TBX4: variants seen among roughly 807,000 people sequenced by gnomAD.
The protein encoded by TBX4 is T-box transcription factor 4, also known as T-box transcription factor TBX4.
Under a neutral mutation model 54.6 loss-of-function variants are expected in TBX4, and 13 were observed. The observed-to-expected ratio is 0.24, with a 90% CI of 0.15 to 0.38. TBX4 has a LOEUF of 0.38. Ranked by LOEUF, TBX4 falls within the 10% of genes least tolerant of loss-of-function variation. TBX4 has a pLI of 1.00. For synonymous variants in TBX4, 314 were observed against 306.7 expected (o/e 1.02, Z -0.25); for missense variants, 631 against 728.5 (o/e 0.87, Z 1.54).
intron 2 of TBX4, 109 bp downstream of exon 2, chr17:61,456,785 C>A: frequency 1.2e-6 from 1 of 869,166 alleles, no homozygotes; most frequent in Non-Finnish European, 1.5e-6. Flanking sequence ...TCAGGAGGAC[C>A]TGGCTGCATT....
rs2060477559 is a variant in TBX4 at position 61,459,295 on chromosome 17, C to T, written c.281+1664C>T. On this transcript the variant is annotated intron_variant, in intron 3 of 8. Coordinates refer to ENST00000644296, the MANE Select transcript of TBX4 (RefSeq NM_001321120.2). The surrounding 1 kb of genome is among the most constrained non-coding windows in gnomAD (Gnocchi z 4.8). ...GTGACCGTAGACCTATCTGCTGTCC[C>T]TTCCTTTTCTATCACTGTGAAACTC... Among the ~76,000 whole-genome samples, 1 of 152,184 alleles carries T rather than the reference C, an allele frequency of 6.6e-6. No individual in the cohort carries two copies. Among genetic ancestry groups the T allele is most frequent in the Non-Finnish European group, 1.5e-5 (1 of 68,036 alleles).
rs770301040 is a variant in TBX4, at chr17:61,457,676, AG to A, written c.281+51del. ...CTTCCGGGGATGGCGGTGGGGAGCA[AG>A]GGGGGCCAGGGAGGTCCCTTAGAAG... On this transcript the variant is annotated intron_variant, in intron 3 of 8. Coordinates refer to ENST00000644296, the MANE Select transcript of TBX4 (RefSeq NM_001321120.2). This position sits in a 1 kb window ranked among gnomAD's most constrained non-coding sequence, Gnocchi z 8.2. The A allele has an allele frequency of 3.2e-6, 5 of 1,581,414 alleles. No homozygotes were observed. Among genetic ancestry groups the A allele is most frequent in the Non-Finnish European group, 8.7e-7 (1 of 1,152,910 alleles).
intron 5 of TBX4, among the ~76,000 whole-genome samples, chr17:61,473,823 C>A (rs1030867919): frequency 7.9e-5 from 12 of 152,216 alleles, no homozygotes; most frequent in African/African-American, 1.2e-4. Flanking sequence ...TGGCTTAGCA[C>A]AGGGCCTGGC....
rs1440374568 is a variant in TBX4 at position 61,476,740 on chromosome 17, T to C, written c.550-1887T>C. On this transcript the variant is annotated intron_variant, in intron 5 of 8. Coordinates refer to ENST00000644296, the MANE Select transcript of TBX4 (RefSeq NM_001321120.2). This position sits in a 1 kb window ranked among gnomAD's most constrained non-coding sequence, Gnocchi z 6.5. ...CTTGCCTCGTGAAGGTCTGGAGGTT[T>C]GTCACTGAGGGCTGAGGCGGGAGTG... Among the ~76,000 whole-genome samples the C allele has an allele frequency of 6.6e-6, 1 of 152,196 alleles. No homozygotes were observed. The highest frequency in any genetic ancestry group is 6.5e-5 in the Admixed American group (1 of 15,290).
chr17:61,462,846 A>C lies in TBX4; in HGVS notation c.282-2973A>C, dbSNP rs1181803969. The stretch of plus-strand genomic sequence containing the variant: ...TTCAAACCTTTCATGAGAGAGGCAG[A>C]GCTCACAGGAAGTCACAGCTCCCAA... On this transcript the variant is annotated intron_variant, in intron 3 of 8. Coordinates refer to ENST00000644296, the MANE Select transcript of TBX4 (RefSeq NM_001321120.2). The surrounding 1 kb of genome is among the most constrained non-coding windows in gnomAD (Gnocchi z 4.5). 1.3e-5 allele frequency: 2 copies of C among 152,264 alleles called. No homozygotes were observed. The highest frequency in any genetic ancestry group is 4.8e-5 in the African/African-American group (2 of 41,470). The allele number at this position is 152,264 out of a possible 1,614,324, so 9.4% of individuals were successfully genotyped here.
In TBX4 at chr17:61,462,255, AGAG is replaced by A. The variant is rs1223216163; in HGVS notation, c.282-3560_282-3558del. On this transcript the variant is annotated intron_variant, in intron 3 of 8. Coordinates refer to ENST00000644296, the MANE Select transcript of TBX4 (RefSeq NM_001321120.2). The surrounding 1 kb of genome is among the most constrained non-coding windows in gnomAD (Gnocchi z 4.5). ...CCCTTTCAGAGCCTGTTTCATGATC[AGAG>A]GAGAAGCCCCGGGCTTTCATCTCCT... Among the ~76,000 whole-genome samples the A allele has an allele frequency of 2.0e-5, 3 of 152,192 alleles. No individual in the cohort carries two copies. Among genetic ancestry groups the A allele is most frequent in the African/African-American group, 4.8e-5 (2 of 41,530 alleles).
chr17:61,470,666 C>A (rs941557995), intron 5 of TBX4, among the ~76,000 whole-genome samples: 1 of 152,164 alleles, frequency 6.6e-6, no homozygotes, highest in Non-Finnish European at 1.5e-5. Context: ...TTGGGCCAGG[C>A]GGGAGCAGAA....
At chr17:61,482,751 TG>T in intron 8 of TBX4, 145 bp from the exon 9 acceptor site, 1 of 1,256,802 alleles carries the variant, frequency 8.0e-7, no homozygotes, top group Non-Finnish European at 1.1e-6. Flanking sequence ...AAGCCGTGGC[TG>T]ATTGAAATGG....
chr17:61,466,062 G>C, intron 4 of TBX4, 124 bp downstream of exon 4: 7 of 1,489,498 alleles, frequency 4.7e-6, no homozygotes, highest in Non-Finnish European at 6.5e-6. Flanking sequence ...GCAGGCTGGA[G>C]TCCACTGCCT....
chr17:61,483,613 AGTGTGTGTGTGTGTGTGT>A lies in TBX4; in HGVS notation c.*120_*137del, dbSNP rs149977669. On this transcript the variant is annotated 3_prime_UTR_variant, in exon 9 of 9. Transcript: ENST00000644296. This position sits in a 1 kb window ranked among gnomAD's most constrained non-coding sequence, Gnocchi z 6.6. ...ACCAAGAAACACAGGAAGGTATTCC[AGTGTGTGTGTGTGTGTGT>A]GTGTGTGTGTGTGTGTGTGTGTATA... The A allele has an allele frequency of 5.1e-6, 4 of 782,772 alleles. No individual in the cohort carries two copies. Among genetic ancestry groups the A allele is most frequent in the South Asian group, 1.7e-5 (1 of 57,314 alleles). 48.5% of individuals were successfully genotyped at this position (782,772 alleles called of 1,614,324 possible). A position where few individuals can be genotyped will look rare whatever the true frequency, so the allele number is the denominator to read the frequency against.
Position 61,464,753 on chromosome 17 carries a change from A to G in TBX4, c.282-1066A>G, listed in dbSNP as rs1047183600. Reference sequence around the variant, plus strand: ...GACTAGGGGAGGGAGCTGTGCCCAGAGCGTTTGTGTATGCGCTGTGCTGTT... The same window carrying G: ...GACTAGGGGAGGGAGCTGTGCCCAGGGCGTTTGTGTATGCGCTGTGCTGTT... On this transcript the variant is annotated intron_variant, in intron 3 of 8. Transcript: ENST00000644296. This position sits in a 1 kb window ranked among gnomAD's most constrained non-coding sequence, Gnocchi z 5.8. 6.6e-6 allele frequency among the ~76,000 whole-genome samples: 1 copy of G among 151,940 alleles called. No individual in the cohort carries two copies. The highest frequency in any genetic ancestry group is 1.5e-5 in the Non-Finnish European group (1 of 67,986).
At chr17:61,482,853 G>A (rs368795333) in intron 8 of TBX4, 44 bp from the exon 9 acceptor site, 5 of 1,607,226 alleles carry the variant, frequency 3.1e-6, no homozygotes, top group Non-Finnish European at 4.2e-6. Flanking sequence ...CTGGGGCCTG[G>A]GCTGGTGGAA....
At position 61,481,773 on chromosome 17, in the gene TBX4, T is replaced by TGTC. The variant is rs2060664935; in HGVS notation, c.1022-1123_1022-1121dup. 6.6e-6 allele frequency: 1 copy of TGTC among 152,282 alleles called. No individual in the cohort carries two copies. The highest frequency in any genetic ancestry group is 2.4e-5 in the African/African-American group (1 of 41,420). 9.4% of individuals were successfully genotyped at this position (152,282 alleles called of 1,614,324 possible). ...TGTGTGGGGTTTTTGTTGTTGTTGT[T>TGTC]GTCCTTGTTTTGAGACGGAGTCTCT... On this transcript the variant is annotated intron_variant, in intron 8 of 8. Transcript: ENST00000644296. This position sits in a 1 kb window ranked among gnomAD's most constrained non-coding sequence, Gnocchi z 4.8.
intron 5 of TBX4, 71 bp downstream of exon 5, chr17:61,467,728 G>T: frequency 1.3e-6 from 2 of 1,592,436 alleles, no homozygotes; most frequent in Non-Finnish European, 1.7e-6. Context: ...AGGCCAGGAT[G>T]GGGATAGGGA....
In TBX4 at chr17:61,481,322, C is replaced by A. The variant is rs2060661878; in HGVS notation, c.1021+1003C>A. 6.6e-6 allele frequency: 1 copy of A among 152,222 alleles called. No individual in the cohort carries two copies. The highest frequency in any genetic ancestry group is 2.4e-5 in the African/African-American group (1 of 41,448). The allele number at this position is 152,222 out of a possible 1,614,324, so 9.4% of individuals were successfully genotyped here. A position where few individuals can be genotyped will look rare whatever the true frequency, so the allele number is the denominator to read the frequency against. The stretch of plus-strand genomic sequence containing the variant: ...GAACACAGCCATACCCATTTACTTA[C>A]AGGTTGTCTACGGCTGCTTTCATGG... On this transcript the variant is annotated intron_variant, in intron 8 of 8. Transcript: ENST00000644296. This position sits in a 1 kb window ranked among gnomAD's most constrained non-coding sequence, Gnocchi z 4.8.
intron 5 of TBX4, among the ~76,000 whole-genome samples, chr17:61,468,075 A>G (rs1314680945): frequency 6.6e-5 from 10 of 152,256 alleles, no homozygotes; most frequent in Admixed American, 5.2e-4. Context: ...TTGCTGGAAC[A>G]TAACACAAGA....
At chr17:61,456,715 G>A in intron 2 of TBX4, 39 bp downstream of exon 2, 1 of 1,348,784 alleles carries the variant, frequency 7.4e-7, no homozygotes, top group Non-Finnish European at 9.6e-7. Context: ...GTCGGGCGTC[G>A]GTCTGTCTGC....
intron 2 of TBX4, 48 bp downstream of exon 2, chr17:61,456,724 G>C: frequency 7.6e-7 from 1 of 1,316,728 alleles, no homozygotes; most frequent in Middle Eastern, 2.8e-4. Context: ...CGGTCTGTCT[G>C]CGGGGCCGCC....
chr17:61,471,089 G>A (rs1163480710), intron 5 of TBX4, among the ~76,000 whole-genome samples: 1 of 152,220 alleles, frequency 6.6e-6, no homozygotes, highest in Non-Finnish European at 1.5e-5. Flanking sequence ...CTAGAGGTGT[G>A]GGCTGCAGTT....
Sources: gnomAD v4.1 joint callset for allele counts (sites outside exome capture counted in the v4.1 genomes callset) on GRCh38, gnomAD v4.1.1 for gene constraint, Gnocchi (gnomAD v3.1) non-coding constraint, MANE v1.5 for transcripts, NCBI Gene and HGNC (gene_info 2026-07-23, HGNC 2026-07-21) for gene names.